Variants in SASS6 observed in about 807,000 individuals in gnomAD.
SASS6 encodes spindle assembly abnormal protein 6 homolog.
Under a neutral mutation model 94.9 loss-of-function variants are expected in SASS6, and 59 were observed. The ratio of observed to expected loss-of-function variants is 0.62; its 90% confidence interval spans 0.50 to 0.77. The LOEUF is 0.77. Among genes scored for constraint, SASS6 ranks in the 30% least tolerant of loss-of-function variants. The pLI is 0.00. For missense variants in SASS6, 698 were observed against 734.1 expected (o/e 0.95, Z 0.57); for synonymous variants, 264 against 270.0 (o/e 0.98, Z 0.22).
chr1:100,097,432 A>G (rs568513008), intron 14 of SASS6, among the ~76,000 whole-genome samples: 283 of 152,352 alleles, frequency 1.9e-3, no homozygotes, highest in African/African-American at 6.3e-3. Flanking sequence ...AAATTGTGGC[A>G]TATCAATACA....
In SASS6 at chr1:100,083,788, T is replaced by TTG. The variant is rs1266542456; in HGVS notation, c.*1538_*1539dup. 1 of 152,006 alleles carries TTG rather than the reference T, an allele frequency of 6.6e-6. No individual in the cohort carries two copies. Among genetic ancestry groups the TTG allele is most frequent in the East Asian group, 1.9e-4 (1 of 5,204 alleles). 9.4% of individuals were successfully genotyped at this position (152,006 alleles called of 1,614,324 possible). A position where few individuals can be genotyped will look rare whatever the true frequency, so the allele number is the denominator to read the frequency against. On this transcript the variant is annotated 3_prime_UTR_variant, in exon 17 of 17. Transcript: ENST00000287482. ...ATCTCTCCTGAAAATTCAACTTTCC[T>TTG]TGTGTATATATATGCAAAGAGATAC...
At chr1:100,112,840 G>A (rs528755204) in intron 7 of SASS6, among the ~76,000 whole-genome samples, 7 of 152,248 alleles carry the variant, frequency 4.6e-5, no homozygotes, top group South Asian at 2.1e-4. Context: ...CTCCACCCCC[G>A]ACTAACTGTA....
intron 6 of SASS6, among the ~76,000 whole-genome samples, chr1:100,119,395 T>TGGTA (rs1654008069): frequency 6.6e-6 from 1 of 152,198 alleles, no homozygotes; most frequent in South Asian, 2.1e-4. Flanking sequence ...AATCTGGCTC[T>TGGTA]TTACCACCCA....
At position 100,107,812 on chromosome 1, in the gene SASS6, T is replaced by C; in HGVS notation, c.1054A>G (p.Lys352Glu). The C allele has an allele frequency of 6.2e-7, 1 of 1,600,886 alleles. No individual in the cohort carries two copies. The highest frequency in any genetic ancestry group is 8.5e-7 in the Non-Finnish European group (1 of 1,171,034). The change falls in exon 9 of 17, where the codon AAG (lysine) becomes GAG (glutamate). Residue 352 changes from lysine (K) to glutamate (E), a missense_variant and splice_region_variant. By Grantham distance (56) the Lys-to-Glu change is moderately conservative (BLOSUM62 1). Coordinates refer to ENST00000287482, the MANE Select transcript of SASS6 (RefSeq NM_194292.3). ...KEAFDTIQEQ[K>E]VVLEENGEKN... ...CTGAGAAAAATTTAAAAGTAGACCT[T>C]TTGTTCCTGGATTGTATCAAATGCC...
At chr1:100,120,359 G>C (rs2101683652) in intron 6 of SASS6, 35 bp downstream of exon 6, 2 of 1,075,392 alleles carry the variant, frequency 1.9e-6, no homozygotes, top group Non-Finnish European at 2.9e-6. Flanking sequence ...CCAATGTCTG[G>C]ATGACTTACA....
In SASS6 at chr1:100,103,032, A is replaced by G. The variant is rs1411622061; in HGVS notation, c.1597T>C (p.Ser533Pro). The change falls in exon 14 of 17, where the codon TCT (serine) becomes CCT (proline). Residue 533 changes from serine to proline, a missense_variant. Ser to Pro is a moderately conservative substitution (Grantham distance 74). Coordinates refer to ENST00000287482, the MANE Select transcript of SASS6 (RefSeq NM_194292.3). The part of the protein sequence containing the change: ...PTCGIGYPVS[S>P]AFAFQNTFPH... ...AAGGTATTCTGGAATGCAAATGCAG[A>G]GGAGACAGGATAACCAATCCCACAG... 3.7e-6 allele frequency: 6 copies of G among 1,607,810 alleles called. No homozygotes were observed.
At chr1:100,100,095 G>A (rs1279290678) in intron 14 of SASS6, among the ~76,000 whole-genome samples, 5 of 152,046 alleles carry the variant, frequency 3.3e-5, no homozygotes, top group South Asian at 2.1e-4. Context: ...GTGAAACCCC[G>A]TCTCTACTAA....
In SASS6 at chr1:100,085,417, T is replaced by A; in HGVS notation, c.1885A>T (p.Thr629Ser). 6.2e-7 allele frequency: 1 copy of A among 1,612,398 alleles called. No individual in the cohort carries two copies. Among genetic ancestry groups the A allele is most frequent in the South Asian group, 1.1e-5 (1 of 91,042 alleles). Residue 629 changes from threonine to serine, a missense_variant, in exon 17 of 17, where the codon ACT becomes TCT. Coordinates refer to ENST00000287482, the MANE Select transcript of SASS6 (RefSeq NM_194292.3). ...FSNSDHQRDG[T>S]LGALHTSSKP... ...GAAGATGTATGTAATGCTCCTAAAG[T>A]GCCATCTCTCTGATGGTCTGCAAAT...
rs918694465 is a variant in SASS6, at chr1:100,110,373, A to G, written c.780T>C (p.Ala260=). The part of the protein sequence containing the change: ...LQNRLSELEA[A]NKDLTERKYK... The stretch of plus-strand genomic sequence containing the variant: ...ATTTTCTTTCGGTTAAGTCTTTATT[A>G]GCCGCTTCTAACTCAGACAGTCTGT... The change falls in exon 8 of 17, where the codon GCT becomes GCC. Residue 260 remains alanine, a synonymous_variant. Transcript: ENST00000287482. 5 of 1,607,876 alleles carry G rather than the reference A, an allele frequency of 3.1e-6. No individual in the cohort carries two copies. In the African/African-American group the frequency reaches 6.7e-5, roughly 21 times the overall value.
chr1:100,123,663 A>C (rs1431892713), intron 2 of SASS6, among the ~76,000 whole-genome samples: 1 of 152,184 alleles, frequency 6.6e-6, no homozygotes, highest in African/African-American at 2.4e-5. Flanking sequence ...AGTTTCCTTA[A>C]AGTTAACTGG....
chr1:100,085,508 G>T, intron 16 of SASS6, 28 bp downstream of exon 16: 1 of 1,585,012 alleles, frequency 6.3e-7, no homozygotes. Context: ...CAACTATAAA[G>T]TACAAAAATC....
chr1:100,103,203 C>T (rs544225), intron 13 of SASS6, 120 bp from the exon 14 acceptor site: 13 of 605,102 alleles, frequency 2.1e-5, no homozygotes, highest in African/African-American at 3.7e-5. Context: ...CTATCTCAGA[C>T]GCCAGTCTTG....
intron 7 of SASS6, among the ~76,000 whole-genome samples, chr1:100,112,039 T>C (rs1290756143): frequency 4.6e-5 from 7 of 152,168 alleles, no homozygotes; most frequent in Non-Finnish European, 1.0e-4. Context: ...CTTTGTTCCC[T>C]TCTGAATCAT....
intron 8 of SASS6, among the ~76,000 whole-genome samples, chr1:100,109,344 T>C (rs1352320766): frequency 6.6e-6 from 1 of 152,054 alleles, no homozygotes; most frequent in African/African-American, 2.4e-5. Context: ...ACTGGTAACT[T>C]TGGTATTTAA....
intron 14 of SASS6, among the ~76,000 whole-genome samples, chr1:100,096,689 G>C (rs1433190609): frequency 6.6e-6 from 1 of 152,156 alleles, no homozygotes; most frequent in Non-Finnish European, 1.5e-5. Context: ...TCAATAAAAA[G>C]ACAACCTTGT....
chr1:100,122,745 G>T (rs1465727249), intron 3 of SASS6, among the ~76,000 whole-genome samples: 1 of 151,814 alleles, frequency 6.6e-6, no homozygotes, highest in Non-Finnish European at 1.5e-5. Context: ...TTAAGACAGG[G>T]TTTCACCATG....
intron 14 of SASS6, among the ~76,000 whole-genome samples, chr1:100,088,682 A>C (rs990939160): frequency 6.6e-6 from 1 of 152,110 alleles, no homozygotes; most frequent in Admixed American, 6.5e-5. Flanking sequence ...GTGGTGGCTC[A>C]CGCCTGTAAT....
chr1:100,121,230 C>A, intron 5 of SASS6, 148 bp downstream of exon 5: 1 of 532,198 alleles, frequency 1.9e-6, no homozygotes, highest in East Asian at 3.5e-5. Flanking sequence ...TATACCTTGA[C>A]TAAATAAGAA....
rs372605834 is a variant in SASS6, at chr1:100,085,634, A to C, written c.1773-4T>G. 5.9e-5 allele frequency: 93 copies of C among 1,564,204 alleles called. No homozygotes were observed. In the African/African-American group the frequency reaches 1.2e-3, roughly 20 times the overall value. On this transcript the variant is annotated splice_region_variant and splice_polypyrimidine_tract_variant and intron_variant, in intron 15 of 16. Coordinates refer to ENST00000287482, the MANE Select transcript of SASS6 (RefSeq NM_194292.3). Reference sequence around the variant, plus strand: ...TTCCAACCCTACATTTTCACCACTTAAAAAGAAAATGGTAATAACTTATTT... The same window carrying C: ...TTCCAACCCTACATTTTCACCACTTCAAAAGAAAATGGTAATAACTTATTT...
Sources: allele counts gnomAD v4.1 joint callset (sites outside exome capture counted in the v4.1 genomes callset), GRCh38; gene constraint gnomAD v4.1.1; transcripts MANE v1.5; gene names NCBI Gene and HGNC (gene_info 2026-07-23, HGNC 2026-07-21).